The following SAMMSON variants were observed in gnomAD, a reference collection of about 807,000 sequenced individuals.
The protein encoded by SAMMSON is long intergenic non-protein coding RNA 1212.
intron 9 of SAMMSON, among the ~76,000 whole-genome samples, chr3:70,374,728 T>C (rs1559575627): frequency 1.3e-5 from 2 of 152,158 alleles, no homozygotes; most frequent in African/African-American, 4.8e-5. Flanking sequence ...ATTGCGATGG[T>C]TTGTCACAGC....
chr3:70,332,421 T>G (rs180690074), intron 7 of SAMMSON, among the ~76,000 whole-genome samples: 244 of 152,280 alleles, frequency 1.6e-3, no homozygotes, highest in African/African-American at 5.6e-3. Flanking sequence ...TCATTCTGGT[T>G]GCAAGTTGCA....
intron 1 of SAMMSON, among the ~76,000 whole-genome samples, chr3:70,006,579 G>C (rs934069500): frequency 1.3e-5 from 2 of 152,126 alleles, no homozygotes; most frequent in African/African-American, 4.8e-5. Context: ...CTTCTCAAAA[G>C]GGAATAAAAC....
Position 70,260,664 on chromosome 3 carries a change from C to T in SAMMSON, n.674+10994C>T, listed in dbSNP as rs538975853. Among the ~76,000 whole-genome samples, 4 of 152,160 alleles carry T rather than the reference C, an allele frequency of 2.6e-5. No homozygotes were observed. The South Asian group carries it at 8.3e-4, about 32-fold the overall frequency. ...AAGGTTACAACTTCTGTCAGACTGC[C>T]CTCTTTATACAGCTGTTCTCTCCAG... On this transcript the variant is annotated intron_variant and non_coding_transcript_variant, in intron 6 of 9. Coordinates refer to ENST00000642114, the Ensembl canonical transcript of SAMMSON.
At chr3:70,201,069 G>T (rs911215830) in intron 4 of SAMMSON, among the ~76,000 whole-genome samples, 3 of 150,952 alleles carry the variant, frequency 2.0e-5, no homozygotes, top group African/African-American at 7.3e-5. Context: ...CATTTATTAA[G>T]TTCAGGGGTC....
chr3:70,157,165 C>T (rs2067595391), intron 4 of SAMMSON, among the ~76,000 whole-genome samples: 1 of 152,058 alleles, frequency 6.6e-6, no homozygotes, highest in Admixed American at 6.6e-5. Flanking sequence ...TTTTCCTAAA[C>T]ATTTTTATTT....
At chr3:70,027,204 A>T (rs1216266665) in intron 3 of SAMMSON, among the ~76,000 whole-genome samples, 1 of 152,188 alleles carries the variant, frequency 6.6e-6, no homozygotes, top group African/African-American at 2.4e-5. Context: ...AAAGTAATGG[A>T]GAGGGAAGCA....
chr3:70,278,013 T>A (rs1490061511), intron 6 of SAMMSON, among the ~76,000 whole-genome samples: 1 of 152,084 alleles, frequency 6.6e-6, no homozygotes, highest in African/African-American at 2.4e-5. Flanking sequence ...ATTGATCCGT[T>A]TTTACAAACG....
intron 4 of SAMMSON, among the ~76,000 whole-genome samples, chr3:70,189,229 A>G (rs764594218): frequency 5.9e-5 from 9 of 152,000 alleles, no homozygotes; most frequent in Non-Finnish European, 8.8e-5. Context: ...TTTTTTTTGC[A>G]TAGATGGTAT....
intron 7 of SAMMSON, among the ~76,000 whole-genome samples, chr3:70,291,401 T>C (rs1702238420): frequency 6.6e-6 from 1 of 152,198 alleles, no homozygotes; most frequent in East Asian, 1.9e-4. Flanking sequence ...ATAACAAATA[T>C]ATCGTATTAC....
Position 70,209,152 on chromosome 3 carries a change from A to G in SAMMSON, n.508-39955A>G, listed in dbSNP as rs370682365. Among the ~76,000 whole-genome samples, 10 of 152,206 alleles carry G rather than the reference A, an allele frequency of 6.6e-5. No homozygotes were observed. In the East Asian group the frequency reaches 1.9e-3, roughly 30 times the overall value. ...CAGCTAATATTGCAGATAGATGGAC[A>G]TTCAAATGATGTCTTAGAACACTAA... On this transcript the variant is annotated intron_variant and non_coding_transcript_variant, in intron 4 of 9. Transcript: ENST00000642114.
intron 7 of SAMMSON, among the ~76,000 whole-genome samples, chr3:70,317,435 G>A (rs1407660928): frequency 6.6e-6 from 1 of 151,690 alleles, no homozygotes; most frequent in Non-Finnish European, 1.5e-5. Flanking sequence ...TAATGCTATT[G>A]TACACTTAAT....
intron 4 of SAMMSON, among the ~76,000 whole-genome samples, chr3:70,156,789 C>T (rs570833245): frequency 6.6e-6 from 1 of 152,052 alleles, no homozygotes; most frequent in African/African-American, 2.4e-5. Context: ...AATATTCTTA[C>T]AAAGCATCCT....
At chr3:70,032,630 A>C (rs1212990115) in intron 3 of SAMMSON, among the ~76,000 whole-genome samples, 3 of 152,178 alleles carry the variant, frequency 2.0e-5, no homozygotes, top group Admixed American at 2.0e-4. Flanking sequence ...TGTTCAAAAC[A>C]TGTGGAGTTT....
chr3:70,414,582 G>C (rs1701247406), intron 2 of SAMMSON, among the ~76,000 whole-genome samples: 1 of 152,204 alleles, frequency 6.6e-6, no homozygotes, highest in African/African-American at 2.4e-5. Flanking sequence ...ATGAAGTTAT[G>C]AGAGAATCAA....
intron 4 of SAMMSON, among the ~76,000 whole-genome samples, chr3:70,216,948 G>A (rs1701417406): frequency 5.3e-5 from 8 of 152,180 alleles, no homozygotes; most frequent in Admixed American, 5.2e-4. Flanking sequence ...CATAAAAAAT[G>A]TGGTTTCAAA....
At chr3:70,088,607 G>GT (rs1389982832) in intron 4 of SAMMSON, among the ~76,000 whole-genome samples, 1 of 152,170 alleles carries the variant, frequency 6.6e-6, no homozygotes, top group African/African-American at 2.4e-5. Flanking sequence ...AGGTGAGACG[G>GT]TAGCTGAGAT....
intron 4 of SAMMSON, among the ~76,000 whole-genome samples, chr3:70,101,179 CT>C (rs1480219452): frequency 6.6e-6 from 1 of 152,096 alleles, no homozygotes; most frequent in East Asian, 1.9e-4. Context: ...ATCACTGTAG[CT>C]ACCCCCTCCT....
At chr3:70,314,264 T>C (rs2106712836) in intron 7 of SAMMSON, among the ~76,000 whole-genome samples, 1 of 152,292 alleles carries the variant, frequency 6.6e-6, no homozygotes, top group South Asian at 2.1e-4. Context: ...AAATTAATAA[T>C]CATTAGATAA....
At chr3:70,204,953 A>T (rs527631992) in intron 4 of SAMMSON, 4 of 152,062 alleles carry the variant, frequency 2.6e-5, no homozygotes, top group Admixed American at 1.3e-4. Context: ...TGTAGCATCA[A>T]GATGCTTTTG....
Sources: allele counts gnomAD v4.1 joint callset (sites outside exome capture counted in the v4.1 genomes callset), GRCh38; gene constraint gnomAD v4.1.1; transcripts MANE v1.5; gene names NCBI Gene and HGNC (gene_info 2026-07-23, HGNC 2026-07-21).